ALK: variants seen among roughly 807,000 people sequenced by gnomAD.
The protein encoded by ALK is ALK receptor tyrosine kinase.
ALK carries 74 observed loss-of-function variants against 163.1 expected under a neutral mutation model. That is an observed-to-expected ratio of 0.45 (90% CI 0.38 to 0.55). ALK has a LOEUF of 0.55. Among genes scored for constraint, ALK ranks in the 20% least tolerant of loss-of-function variants. ALK has a pLI of 0.00. For synonymous variants in ALK, 960 were observed against 843.2 expected (o/e 1.14, Z -2.40); for missense variants, 2,063 against 2,105.3 (o/e 0.98, Z 0.39).
At chr2:29,621,657 T>G (rs759248000) in intron 3 of ALK, among the ~76,000 whole-genome samples, 1 of 152,236 alleles carries the variant, frequency 6.6e-6, no homozygotes, top group Non-Finnish European at 1.5e-5. Context: ...TTGCCCAACT[T>G]GATCTTAAAT....
chr2:29,881,420 G>C (rs1666862408), intron 1 of ALK, among the ~76,000 whole-genome samples: 1 of 152,152 alleles, frequency 6.6e-6, no homozygotes, highest in Non-Finnish European at 1.5e-5. Context: ...ATTTCAGAGA[G>C]GAGCATTTCT....
chr2:29,304,224 G>A (rs1302250786), intron 8 of ALK, among the ~76,000 whole-genome samples: 2 of 152,150 alleles, frequency 1.3e-5, no homozygotes, highest in Non-Finnish European at 2.9e-5. Context: ...CTGGCTGGGC[G>A]CGGTGGCTTG....
chr2:29,842,668 C>CCT (rs1665729996), intron 1 of ALK, among the ~76,000 whole-genome samples: 1 of 152,166 alleles, frequency 6.6e-6, no homozygotes, highest in Non-Finnish European at 1.5e-5. Flanking sequence ...GACTGGACCA[C>CCT]ATGGAGATGG....
intron 1 of ALK, among the ~76,000 whole-genome samples, chr2:29,840,622 A>C (rs1391728733): frequency 6.6e-6 from 1 of 152,226 alleles, no homozygotes. Flanking sequence ...GAAAGATTAC[A>C]AAGAAAAACT....
At chr2:29,553,801 C>T (rs1362142993) in intron 3 of ALK, among the ~76,000 whole-genome samples, 4 of 152,154 alleles carry the variant, frequency 2.6e-5, no homozygotes, top group Non-Finnish European at 4.4e-5. Flanking sequence ...TCTTTAATTA[C>T]TAGTGAGGTT....
intron 3 of ALK, among the ~76,000 whole-genome samples, chr2:29,640,829 C>T (rs1337750908): frequency 6.6e-6 from 1 of 152,042 alleles, no homozygotes; most frequent in Non-Finnish European, 1.5e-5. Flanking sequence ...GGAAGGGGTC[C>T]ATATGGGGTG....
chr2:29,411,192 C>T (rs952839346), intron 4 of ALK, among the ~76,000 whole-genome samples: 9 of 152,170 alleles, frequency 5.9e-5, no homozygotes, highest in East Asian at 5.8e-4. Context: ...CACAGTTTTC[C>T]ACCTCCACAT....
intron 3 of ALK, among the ~76,000 whole-genome samples, chr2:29,623,825 A>G (rs1676111547): frequency 6.6e-6 from 1 of 152,252 alleles, no homozygotes; most frequent in Admixed American, 6.5e-5. Flanking sequence ...TTATAACAGA[A>G]CAATATTTGA....
chr2:29,442,809 C>T (rs1322418610), intron 4 of ALK, among the ~76,000 whole-genome samples: 1 of 152,192 alleles, frequency 6.6e-6, no homozygotes, highest in Non-Finnish European at 1.5e-5. Context: ...GGACAAGCCC[C>T]TTAAGTTTCT....
chr2:29,510,899 C>T (rs572620223), intron 4 of ALK, among the ~76,000 whole-genome samples: 1 of 152,168 alleles, frequency 6.6e-6, no homozygotes, highest in African/African-American at 2.4e-5. Context: ...TGTTCTCTAG[C>T]TGTGTCTGCA....
rs574425924 is a variant in ALK, at chr2:29,221,327, C to T, written c.3516-492G>A. 1.3e-3 allele frequency: 620 copies of T among 467,552 alleles called. 1 individual carries two copies. Among genetic ancestry groups the T allele is most frequent in the Non-Finnish European group, 1.7e-3 (402 of 232,624 alleles). The allele number at this position is 467,552 out of a possible 1,614,324, so 29.0% of individuals were successfully genotyped here. On this transcript the variant is annotated intron_variant, in intron 22 of 28. Transcript: ENST00000389048. ...GTCTATCAGTTTCCCGTGGATTCCT[C>T]ATGGGAGGGACCAAGACTTGGGTTT...
At chr2:29,869,945 C>T (rs1666534988) in intron 1 of ALK, among the ~76,000 whole-genome samples, 2 of 152,096 alleles carry the variant, frequency 1.3e-5, no homozygotes, top group South Asian at 2.1e-4. Context: ...AATATCCAAC[C>T]TGATGGTTAT....
chr2:29,227,629 T>G lies in ALK; in HGVS notation c.2859A>C (p.Glu953Asp). ...ASNNDPEMDGEDGVSFISPLG... is the reference protein window; with the variant it reads ...ASNNDPEMDGDDGVSFISPLG... Reference sequence around the variant, plus strand: ...GTGGACTGATGAAGGAAACCCCATCTTCCCCATCCATTTCGGGGTCATTGT... The same window carrying G: ...GTGGACTGATGAAGGAAACCCCATCGTCCCCATCCATTTCGGGGTCATTGT... The change falls in exon 17 of 29, where the codon GAA becomes GAC. Residue 953 changes from glutamate to aspartate, a missense_variant. By Grantham distance (45) the Glu-to-Asp change is conservative. This residue lies in a region of ALK where 575 missense variants were observed against 626.6 expected (regional missense o/e 0.92). Transcript: ENST00000389048. This position sits in a 1 kb window ranked among gnomAD's most constrained non-coding sequence, Gnocchi z 4.4. 1 of 1,614,126 alleles carries G rather than the reference T, an allele frequency of 6.2e-7. No homozygotes were observed. The highest frequency in any genetic ancestry group is 8.5e-7 in the Non-Finnish European group (1 of 1,180,036).
intron 8 of ALK, among the ~76,000 whole-genome samples, chr2:29,307,190 CTG>C (rs1476763604): frequency 6.6e-6 from 1 of 152,218 alleles, no homozygotes; most frequent in Non-Finnish European, 1.5e-5. Context: ...ACAGAAAATA[CTG>C]TGTGTTCAAA....
At chr2:29,582,038 T>C (rs895656011) in intron 3 of ALK, among the ~76,000 whole-genome samples, 1 of 152,290 alleles carries the variant, frequency 6.6e-6, no homozygotes, top group African/African-American at 2.4e-5. Context: ...CAAGCATTTA[T>C]TGGGCCTTCA....
chr2:29,648,613 C>T (rs1453429706), intron 3 of ALK, among the ~76,000 whole-genome samples: 5 of 152,088 alleles, frequency 3.3e-5, no homozygotes, highest in Admixed American at 3.3e-4. Flanking sequence ...AGTATTTGTC[C>T]TTTTGTGACT....
At chr2:29,488,308 A>G (rs1218187645) in intron 4 of ALK, among the ~76,000 whole-genome samples, 1 of 152,218 alleles carries the variant, frequency 6.6e-6, no homozygotes, top group African/African-American at 2.4e-5. Context: ...TTCTTATTAC[A>G]TAAGCAGTGT....
intron 1 of ALK, among the ~76,000 whole-genome samples, chr2:29,877,080 T>C (rs2148416051): frequency 6.6e-6 from 1 of 152,336 alleles, no homozygotes; most frequent in African/African-American, 2.4e-5. Context: ...TATCAGAGGT[T>C]CAACGAAGTA....
intron 3 of ALK, among the ~76,000 whole-genome samples, chr2:29,668,216 T>TAA (rs1677576824): frequency 6.6e-6 from 1 of 151,984 alleles, no homozygotes; most frequent in African/African-American, 2.4e-5. Flanking sequence ...TGTTTATCTT[T>TAA]AAAAATAACT....
Sources: allele counts gnomAD v4.1 joint callset (sites outside exome capture counted in the v4.1 genomes callset), GRCh38; gene constraint gnomAD v4.1.1; regional missense constraint gnomAD v4.1.1; non-coding constraint Gnocchi (gnomAD v3.1); transcripts MANE v1.5; gene names NCBI Gene and HGNC (gene_info 2026-07-23, HGNC 2026-07-21).